The following KCNH5 variants were observed in gnomAD, a reference collection of about 807,000 sequenced individuals.
KCNH5 encodes the protein potassium voltage-gated channel subfamily H member 5, also known as voltage-gated delayed rectifier potassium channel KCNH5.
Under a neutral mutation model 96.1 loss-of-function variants are expected in KCNH5, and 46 were observed. The ratio of observed to expected loss-of-function variants is 0.48; its 90% CI spans 0.38 to 0.61. The LOEUF (loss-of-function observed/expected upper bound fraction) is 0.61. KCNH5 is among the 20% of genes least tolerant of loss of function. KCNH5 has a pLI of 0.00. For synonymous variants in KCNH5, 439 were observed against 449.8 expected (o/e 0.98, Z 0.30); for missense variants, 907 against 1,225.8 (o/e 0.74, Z 3.88).
chr14:62,854,098 C>T (rs769171060), intron 7 of KCNH5, among the ~76,000 whole-genome samples: 1 of 151,804 alleles, frequency 6.6e-6, no homozygotes, highest in Non-Finnish European at 1.5e-5. Flanking sequence ...TCTTCCCTCA[C>T]TATCACTATC....
At chr14:63,015,496 T>C (rs2139606275) in intron 2 of KCNH5, among the ~76,000 whole-genome samples, 1 of 152,208 alleles carries the variant, frequency 6.6e-6, no homozygotes, top group South Asian at 2.1e-4. Flanking sequence ...TATGTACGTA[T>C]ATATACAGAT....
At chr14:63,018,129 C>A (rs891054274) in intron 1 of KCNH5, among the ~76,000 whole-genome samples, 1 of 151,726 alleles carries the variant, frequency 6.6e-6, no homozygotes, top group Non-Finnish European at 1.5e-5. Flanking sequence ...TAGGAAGCAA[C>A]GGAAAGTAGG....
Position 63,006,406 on chromosome 14 carries a change from G to A in KCNH5, c.264C>T (p.Tyr88=), listed in dbSNP as rs373008977. The change falls in exon 3 of 11, where the codon TAC becomes TAT. Residue 88 remains tyrosine (Y), a synonymous_variant. Transcript: ENST00000322893. ...GAAGAACTTCAAAGCAGTTTGATTC[G>A]TAGTTGTCAAAAGTTTGCCTGACTT... ...IEKVRQTFDN[Y]ESNCFEVLLY... 249 of 1,612,474 alleles carry A rather than the reference G, an allele frequency of 1.5e-4. No individual in the cohort carries two copies. Among genetic ancestry groups the A allele is most frequent in the East Asian group, 2.7e-4 (12 of 44,828 alleles).
intron 10 of KCNH5, among the ~76,000 whole-genome samples, chr14:62,733,786 T>C (rs1034840727): frequency 6.6e-6 from 1 of 152,188 alleles, no homozygotes; most frequent in Non-Finnish European, 1.5e-5. Context: ...TTGGCAACCA[T>C]GATATCTTCT....
intron 3 of KCNH5, among the ~76,000 whole-genome samples, chr14:63,003,558 TATA>T (rs1566536914): frequency 4.0e-5 from 5 of 123,540 alleles, no homozygotes; most frequent in African/African-American, 1.3e-4. Flanking sequence ...TAGTATATAT[TATA>T]TATATTTATA....
intron 7 of KCNH5, among the ~76,000 whole-genome samples, chr14:62,919,958 C>T (rs1354516702): frequency 6.6e-6 from 1 of 152,132 alleles, no homozygotes; most frequent in East Asian, 1.9e-4. Context: ...TTGTCCAATT[C>T]TGGCAAGGTG....
chr14:62,752,161 T>C (rs1799011253), intron 10 of KCNH5, among the ~76,000 whole-genome samples: 1 of 152,158 alleles, frequency 6.6e-6, no homozygotes, highest in Admixed American at 6.5e-5. Context: ...CAATACCTCT[T>C]GCCTGATAGT....
chr14:62,856,261 C>T (rs1353916886), intron 7 of KCNH5, among the ~76,000 whole-genome samples: 2 of 152,178 alleles, frequency 1.3e-5, no homozygotes, highest in Admixed American at 1.3e-4. Flanking sequence ...CTCATTAGGT[C>T]AAGCTGCATC....
chr14:62,990,460 C>T (rs1594662609), intron 4 of KCNH5, among the ~76,000 whole-genome samples: 1 of 151,372 alleles, frequency 6.6e-6, no homozygotes, highest in South Asian at 2.1e-4. Flanking sequence ...CCTTATTTTA[C>T]TTTCTTGAAG....
intron 7 of KCNH5, among the ~76,000 whole-genome samples, chr14:62,872,289 G>A (rs1043234145): frequency 8.5e-5 from 13 of 152,192 alleles, no homozygotes; most frequent in Admixed American, 4.6e-4. Context: ...GAATCTCTAT[G>A]ATACCTAATT....
intron 10 of KCNH5, among the ~76,000 whole-genome samples, chr14:62,733,293 G>T (rs1383570047): frequency 6.6e-6 from 1 of 152,054 alleles, no homozygotes; most frequent in Admixed American, 6.6e-5. Context: ...TAGTCCATGA[G>T]GGTAGAACCC....
chr14:63,021,327 C>A (rs1380982176), intron 1 of KCNH5, among the ~76,000 whole-genome samples: 1 of 152,140 alleles, frequency 6.6e-6, no homozygotes, highest in East Asian at 1.9e-4. Context: ...CTCTGAAATC[C>A]AGTCTCACCT....
chr14:62,827,039 T>C (rs1266565423), intron 8 of KCNH5, among the ~76,000 whole-genome samples: 1 of 152,088 alleles, frequency 6.6e-6, no homozygotes, highest in Non-Finnish European at 1.5e-5. Context: ...CCACACTATA[T>C]CTTCTATTAT....
chr14:62,808,943 T>C (rs2140005749), intron 8 of KCNH5, among the ~76,000 whole-genome samples: 1 of 152,214 alleles, frequency 6.6e-6, no homozygotes, highest in African/African-American at 2.4e-5. Context: ...CCTTTGGAAA[T>C]TGTAACATTA....
intron 10 of KCNH5, among the ~76,000 whole-genome samples, chr14:62,718,093 C>A (rs1286166765): frequency 6.6e-6 from 1 of 152,020 alleles, no homozygotes; most frequent in Non-Finnish European, 1.5e-5. Context: ...AAGACAGGAA[C>A]AACAGACACT....
At chr14:62,876,406 C>T (rs1235097368) in intron 7 of KCNH5, among the ~76,000 whole-genome samples, 6 of 152,106 alleles carry the variant, frequency 3.9e-5, no homozygotes, top group East Asian at 1.9e-4. Flanking sequence ...AGAAAGGTGA[C>T]GTATAGTTTA....
At chr14:62,781,686 C>CTGTTCTG (rs1251667738) in intron 9 of KCNH5, among the ~76,000 whole-genome samples, 1 of 152,224 alleles carries the variant, frequency 6.6e-6, no homozygotes, top group Non-Finnish European at 1.5e-5. Context: ...CCGCCGGGCT[C>CTGTTCTG]ACCGGAGGTC....
intron 7 of KCNH5, among the ~76,000 whole-genome samples, chr14:62,942,081 C>G (rs921242219): frequency 3.3e-5 from 5 of 152,130 alleles, no homozygotes; most frequent in Non-Finnish European, 7.4e-5. Context: ...CTATAGAAAA[C>G]ACATCTTATT....
chr14:62,972,384 C>A (rs1478819478), intron 6 of KCNH5, among the ~76,000 whole-genome samples: 1 of 152,212 alleles, frequency 6.6e-6, no homozygotes, highest in Admixed American at 6.5e-5. Context: ...AACAGAAATT[C>A]TCATTCATCG....
Sources: gnomAD v4.1 joint callset for allele counts (sites outside exome capture counted in the v4.1 genomes callset) on GRCh38, gnomAD v4.1.1 for gene constraint, MANE v1.5 for transcripts, NCBI Gene and HGNC (gene_info 2026-07-23, HGNC 2026-07-21) for gene names.